Variants in SYNDIG1 observed in about 807,000 individuals in gnomAD.
The protein encoded by SYNDIG1 is synapse differentiation inducing 1, also known as synapse differentiation-inducing gene protein 1.
A neutral mutation model predicts 19.4 loss-of-function variants in SYNDIG1; 9 were observed. The ratio of observed to expected loss-of-function variants is 0.46; its 90% CI spans 0.28 to 0.81. The LOEUF (loss-of-function observed/expected upper bound fraction) is 0.81. Among genes scored for constraint, SYNDIG1 ranks in the 30% least tolerant of loss-of-function variants. The pLI is 0.12. For missense variants in SYNDIG1, 311 were observed against 343.3 expected, an observed-to-expected ratio of 0.91 and a Z score of 0.74; for synonymous variants, 141 against 145.9, an observed-to-expected ratio of 0.97 and a Z score of 0.24.
chr20:24,611,541 G>A (rs1387544289), intron 3 of SYNDIG1, among the ~76,000 whole-genome samples: 2 of 151,836 alleles, frequency 1.3e-5, no homozygotes, highest in South Asian at 4.2e-4. Flanking sequence ...ACGGGGTCTC[G>A]GGAGGGTCAC....
At chr20:24,495,697 A>C (rs1363346166) in intron 1 of SYNDIG1, 1 of 152,222 alleles carries the variant, frequency 6.6e-6, no homozygotes, top group Admixed American at 6.5e-5. Flanking sequence ...CTCTTCATGC[A>C]CAAAACGAGA....
intron 1 of SYNDIG1, among the ~76,000 whole-genome samples, chr20:24,537,181 C>G (rs1204010946): frequency 6.6e-6 from 1 of 152,194 alleles, no homozygotes; most frequent in Non-Finnish European, 1.5e-5. Context: ...ACTACCTATG[C>G]TGTTCCCTCT....
At chr20:24,538,830 T>C (rs2057412260) in intron 1 of SYNDIG1, among the ~76,000 whole-genome samples, 1 of 152,094 alleles carries the variant, frequency 6.6e-6, no homozygotes. Flanking sequence ...TCATATGTAG[T>C]TTTGATTTTC....
At chr20:24,609,282 C>A (rs529270106) in intron 3 of SYNDIG1, among the ~76,000 whole-genome samples, 2 of 152,250 alleles carry the variant, frequency 1.3e-5, no homozygotes, top group African/African-American at 2.4e-5. Context: ...AAATTTAGAG[C>A]TGAAAAAATT....
At chr20:24,513,971 A>G (rs993415494) in intron 1 of SYNDIG1, among the ~76,000 whole-genome samples, 4 of 152,230 alleles carry the variant, frequency 2.6e-5, no homozygotes, top group Non-Finnish European at 5.9e-5. Context: ...GCCAATATTC[A>G]ACATTCTTTA....
intron 1 of SYNDIG1, among the ~76,000 whole-genome samples, chr20:24,504,591 G>A (rs1041954051): frequency 2.0e-5 from 3 of 152,120 alleles, no homozygotes; most frequent in African/African-American, 7.2e-5. Flanking sequence ...TTGTCCCTGT[G>A]GTGGAGCATG....
intron 3 of SYNDIG1, among the ~76,000 whole-genome samples, chr20:24,604,082 T>C (rs2058718165): frequency 1.3e-5 from 2 of 152,226 alleles, no homozygotes; most frequent in Non-Finnish European, 2.9e-5. Context: ...CTAAACCTTG[T>C]CACAAAGACA....
chr20:24,527,420 T>C (rs1435258843), intron 1 of SYNDIG1, among the ~76,000 whole-genome samples: 1 of 152,186 alleles, frequency 6.6e-6, no homozygotes, highest in Non-Finnish European at 1.5e-5. Context: ...TATGTAAGTA[T>C]TTCATGAACA....
rs1018182266 is a variant in SYNDIG1 at position 24,663,789 on chromosome 20, G to A, written c.619-1557G>A. On this transcript the variant is annotated intron_variant, in intron 3 of 3. Transcript: ENST00000376862. ...TCTCTGCACCCCTTTGCATAGCCCT[G>A]GGGATGGCACTAAGGCTGGTGATCA... Among the ~76,000 whole-genome samples, 20 of 152,326 alleles carry A rather than the reference G, an allele frequency of 1.3e-4. 1 individual carries two copies. The highest frequency in any genetic ancestry group is 4.8e-4 in the African/African-American group (20 of 41,568).
At chr20:24,639,802 T>C (rs2059352670) in intron 3 of SYNDIG1, among the ~76,000 whole-genome samples, 1 of 152,236 alleles carries the variant, frequency 6.6e-6, no homozygotes, top group Non-Finnish European at 1.5e-5. Flanking sequence ...GATTAAATTT[T>C]AAAGTCTGCC....
intron 3 of SYNDIG1, among the ~76,000 whole-genome samples, chr20:24,621,884 A>G (rs1011172866): frequency 6.6e-6 from 1 of 152,238 alleles, no homozygotes; most frequent in Non-Finnish European, 1.5e-5. Context: ...ACCTAAATCT[A>G]CACCAAACAT....
At position 24,665,399 on chromosome 20, in the gene SYNDIG1, G is replaced by A; in HGVS notation, c.672G>A (p.Arg224=). 1.2e-6 allele frequency: 2 copies of A among 1,612,296 alleles called. No homozygotes were observed. The highest frequency in any genetic ancestry group is 8.5e-7 in the Non-Finnish European group (1 of 1,179,396). Residue 224 remains arginine (R), a synonymous_variant, in exon 4 of 4, where the codon CGG becomes CGA. Transcript: ENST00000376862. Reference sequence around the variant, plus strand: ...TGCACCAGGCCAGCACCAGCTCCCGGCGGGCCCTATTCCTGGCAGTGCTGT... The same window carrying A: ...TGCACCAGGCCAGCACCAGCTCCCGACGGGCCCTATTCCTGGCAGTGCTGT... ...GDLHQASTSS[R]RALFLAVLSI...
intron 3 of SYNDIG1, among the ~76,000 whole-genome samples, chr20:24,655,735 C>T (rs2059518121): frequency 6.6e-6 from 1 of 151,214 alleles, no homozygotes; most frequent in Non-Finnish European, 1.5e-5. Context: ...AATTCTACTC[C>T]TAGCTATATG....
chr20:24,626,105 A>C (rs1287693338), intron 3 of SYNDIG1, among the ~76,000 whole-genome samples: 1 of 140,514 alleles, frequency 7.1e-6, no homozygotes, highest in Non-Finnish European at 1.5e-5. Flanking sequence ...CTCACTTCCC[A>C]GTAGGGGCAG....
At chr20:24,630,734 G>A (rs1026445797) in intron 3 of SYNDIG1, among the ~76,000 whole-genome samples, 1 of 152,214 alleles carries the variant, frequency 6.6e-6, no homozygotes, top group Non-Finnish European at 1.5e-5. Flanking sequence ...TTCGTCCACT[G>A]TCGCCTGGCT....
chr20:24,546,802 G>GTTA lies in SYNDIG1; in HGVS notation c.480+3226_480+3227insTAT, dbSNP rs575065003. On this transcript the variant is annotated intron_variant, in intron 2 of 3. Transcript: ENST00000376862. Reference sequence around the variant, plus strand: ...TTGGCATCATTTTTTTTTTCAGATGGTCTAACTGAACAGAATGACAACTAC... The same window carrying GTTA: ...TTGGCATCATTTTTTTTTTCAGATGGTTATCTAACTGAACAGAATGACAACTAC... 2.5e-4 allele frequency among the ~76,000 whole-genome samples: 38 copies of GTTA among 151,800 alleles called. No homozygotes were observed. The South Asian group carries it at 7.7e-3, about 31-fold the overall frequency.
At chr20:24,645,741 G>A (rs2059416985) in intron 3 of SYNDIG1, among the ~76,000 whole-genome samples, 1 of 152,226 alleles carries the variant, frequency 6.6e-6, no homozygotes, top group South Asian at 2.1e-4. Context: ...CATACTACCA[G>A]TATATGTGGC....
intron 3 of SYNDIG1, among the ~76,000 whole-genome samples, chr20:24,587,572 G>A (rs2058437390): frequency 6.6e-6 from 1 of 152,264 alleles, no homozygotes; most frequent in Non-Finnish European, 1.5e-5. Context: ...GCCAAGGAGA[G>A]AGTGTGGCAC....
intron 3 of SYNDIG1, among the ~76,000 whole-genome samples, chr20:24,606,638 A>G (rs1057124884): frequency 3.9e-5 from 6 of 152,232 alleles, no homozygotes; most frequent in Non-Finnish European, 8.8e-5. Flanking sequence ...TAGCCCAGTT[A>G]ATCCTTACGG....
Sources: allele counts gnomAD v4.1 joint callset (sites outside exome capture counted in the v4.1 genomes callset), GRCh38; gene constraint gnomAD v4.1.1; transcripts MANE v1.5; gene names NCBI Gene and HGNC (gene_info 2026-07-23, HGNC 2026-07-21).